PTPRD: variants seen among roughly 807,000 people sequenced by gnomAD.
PTPRD encodes the protein receptor-type tyrosine-protein phosphatase delta.
A neutral mutation model predicts 214.5 loss-of-function variants in PTPRD; 34 were observed. That is an observed-to-expected ratio of 0.16 (90% CI 0.12 to 0.21). The LOEUF (loss-of-function observed/expected upper bound fraction) is 0.21. PTPRD is among the 10% of genes least tolerant of loss of function. PTPRD has a pLI of 1.00. For missense variants in PTPRD, 2,545 were observed against 2,398.7 expected (o/e 1.06, Z -1.27); for synonymous variants, 1,128 against 845.7 (o/e 1.33, Z -5.79).
intron 6 of PTPRD, among the ~76,000 whole-genome samples, chr9:9,739,389 A>C (rs1191499575): frequency 6.6e-6 from 1 of 152,140 alleles, no homozygotes; most frequent in African/African-American, 2.4e-5. Flanking sequence ...TCCATTACTT[A>C]AATAGTTACA....
At chr9:10,134,529 AC>A (rs2098927967) in intron 3 of PTPRD, among the ~76,000 whole-genome samples, 1 of 152,076 alleles carries the variant, frequency 6.6e-6, no homozygotes, top group Non-Finnish European at 1.5e-5. Flanking sequence ...CCTGATTTAC[AC>A]CACCAAAACC....
At chr9:9,424,384 C>T (rs1476624132) in intron 8 of PTPRD, among the ~76,000 whole-genome samples, 2 of 152,170 alleles carry the variant, frequency 1.3e-5, no homozygotes, top group Non-Finnish European at 2.9e-5. Flanking sequence ...TGTCAACCTA[C>T]CAGCTGGCTG....
At chr9:9,621,718 G>A (rs569776666) in intron 7 of PTPRD, among the ~76,000 whole-genome samples, 3 of 152,294 alleles carry the variant, frequency 2.0e-5, no homozygotes, top group African/African-American at 7.2e-5. Flanking sequence ...AATACATTTA[G>A]TTAAAGTGTG....
chr9:8,712,453 T>A (rs2098358552), intron 12 of PTPRD, among the ~76,000 whole-genome samples: 2 of 152,206 alleles, frequency 1.3e-5, no homozygotes, highest in South Asian at 4.1e-4. Flanking sequence ...GTGCCTTTTT[T>A]TTTTTTCTTT....
chr9:10,370,433 TTC>T (rs1305352586), intron 2 of PTPRD, among the ~76,000 whole-genome samples: 1 of 152,076 alleles, frequency 6.6e-6, no homozygotes, highest in East Asian at 1.9e-4. Flanking sequence ...AGTGTAAGAA[TTC>T]TCTGACATAG....
chr9:9,044,347 T>C (rs16928814), intron 10 of PTPRD, among the ~76,000 whole-genome samples: 8,842 of 152,310 alleles, frequency 0.058, 857 homozygotes, highest in African/African-American at 0.2. Context: ...ATAGATGTGA[T>C]TGACCACTGT....
At chr9:10,219,739 G>A (rs1297473238) in intron 3 of PTPRD, among the ~76,000 whole-genome samples, 1 of 151,530 alleles carries the variant, frequency 6.6e-6, no homozygotes, top group African/African-American at 2.4e-5. Context: ...TAACTAGTAA[G>A]AACTTAATAT....
At chr9:8,796,911 G>C (rs1271525478) in intron 11 of PTPRD, among the ~76,000 whole-genome samples, 1 of 151,972 alleles carries the variant, frequency 6.6e-6, no homozygotes, top group East Asian at 1.9e-4. Flanking sequence ...ATTATATTCA[G>C]AGTATTTTCC....
chr9:8,972,768 T>C (rs1393297156), intron 11 of PTPRD, among the ~76,000 whole-genome samples: 1 of 151,936 alleles, frequency 6.6e-6, no homozygotes, highest in Non-Finnish European at 1.5e-5. Context: ...TTAATCTACA[T>C]TTTTCCCAAG....
chr9:8,948,997 G>C (rs533138511), intron 11 of PTPRD, among the ~76,000 whole-genome samples: 2 of 151,930 alleles, frequency 1.3e-5, no homozygotes, highest in Non-Finnish European at 2.9e-5. Flanking sequence ...ACTTTGGCAG[G>C]CAGATCACCT....
At chr9:10,488,392 G>A (rs1475167691) in intron 2 of PTPRD, among the ~76,000 whole-genome samples, 4 of 145,446 alleles carry the variant, frequency 2.8e-5, no homozygotes, top group African/African-American at 7.7e-5. Context: ...AAAAAAGACT[G>A]CCAGGTCACA....
At chr9:10,212,332 C>T (rs1488517918) in intron 3 of PTPRD, among the ~76,000 whole-genome samples, 2 of 151,976 alleles carry the variant, frequency 1.3e-5, no homozygotes, top group Non-Finnish European at 2.9e-5. Context: ...TTGGTAGCAG[C>T]TAAGCATAAA....
At chr9:10,376,807 C>G (rs1169354148) in intron 2 of PTPRD, among the ~76,000 whole-genome samples, 1 of 151,708 alleles carries the variant, frequency 6.6e-6, no homozygotes, top group Non-Finnish European at 1.5e-5. Context: ...TTATGAGGTA[C>G]ATGAGATGTT....
chr9:9,966,963 G>C (rs949846618), intron 4 of PTPRD, among the ~76,000 whole-genome samples: 7 of 152,146 alleles, frequency 4.6e-5, no homozygotes, highest in African/African-American at 1.4e-4. Context: ...CCATTTGACA[G>C]AAGTAGCAGC....
At chr9:9,722,425 T>C (rs775177861) in intron 7 of PTPRD, among the ~76,000 whole-genome samples, 6 of 152,100 alleles carry the variant, frequency 3.9e-5, no homozygotes, top group Non-Finnish European at 7.4e-5. Context: ...TTTGGAAAAA[T>C]AGCATTGTAA....
chr9:9,258,796 T>C (rs944370154), intron 9 of PTPRD, among the ~76,000 whole-genome samples: 1 of 151,846 alleles, frequency 6.6e-6, no homozygotes, highest in East Asian at 2.0e-4. Context: ...TGCAGGGGAC[T>C]GGGGGATGGA....
intron 3 of PTPRD, among the ~76,000 whole-genome samples, chr9:10,270,837 ATATTT>A (rs1430769085): frequency 6.7e-5 from 10 of 150,198 alleles, no homozygotes; most frequent in South Asian, 4.2e-4. Context: ...CTTTGTCATA[ATATTT>A]TATTTTACTT....
At chr9:10,444,677 T>C (rs1179165565) in intron 2 of PTPRD, among the ~76,000 whole-genome samples, 2 of 151,668 alleles carry the variant, frequency 1.3e-5, no homozygotes, top group African/African-American at 2.4e-5. Context: ...ATTTGGAAAC[T>C]CTTATGATTC....
rs569686466 is a variant in PTPRD at position 8,330,994 on chromosome 9, T to TTACTTGCTATTTATTTCTATTAACTTCA, written c.5534+560_5534+587dup. 4.2e-3 allele frequency among the ~76,000 whole-genome samples: 634 copies of TTACTTGCTATTTATTTCTATTAACTTCA among 151,616 alleles called. 4 individuals carry two copies. The highest frequency in any genetic ancestry group is 0.014 in the African/African-American group (590 of 40,948). On this transcript the variant is annotated intron_variant, in intron 44 of 45. Transcript: ENST00000381196. ...AATTTATGGTGAATGTCTGAACTAT[T>TTACTTGCTATTTATTTCTATTAACTTCA]TACTTGCTATTTATTTCTATTAACT...
Sources: allele counts gnomAD v4.1 joint callset (sites outside exome capture counted in the v4.1 genomes callset), GRCh38; gene constraint gnomAD v4.1.1; transcripts MANE v1.5; gene names NCBI Gene and HGNC (gene_info 2026-07-23, HGNC 2026-07-21).